The following SETD1B variants were observed in gnomAD, a reference collection of about 807,000 sequenced individuals.
SETD1B encodes SET domain containing 1B, histone lysine methyltransferase, also known as histone-lysine N-methyltransferase SETD1B.
In SETD1B, 7 loss-of-function variants were observed where a neutral mutation model predicts 148.0. The observed-to-expected ratio is 0.05, with a 90% CI of 0.03 to 0.09. The LOEUF (loss-of-function observed/expected upper bound fraction) is 0.09, where lower values mean the gene tolerates loss of function less well. Ranked by LOEUF, SETD1B falls within the 10% of genes least tolerant of loss-of-function variation. The pLI, the probability that SETD1B is intolerant of heterozygous loss-of-function variation, is 1.00. For synonymous variants in SETD1B, 1,361 were observed against 1,186.5 expected (o/e 1.15, Z -3.02); for missense variants, 2,155 against 2,729.9 (o/e 0.79, Z 4.69).
the SETD1B span, among the ~76,000 whole-genome samples, chr12:121,790,467 G>C: frequency 2.0e-5 from 3 of 152,312 alleles, no homozygotes; most frequent in East Asian, 5.8e-4. Context: ...CCACCTGCAG[G>C]CCGAGATGAA....
At chr12:121,813,742 C>T (rs369240169) in intron 6 of SETD1B, among the ~76,000 whole-genome samples, 2 of 152,162 alleles carry the variant, frequency 1.3e-5, no homozygotes, top group South Asian at 2.1e-4. Context: ...CTCTCCCTCA[C>T]GTTTCCCGTA....
Position 121,823,256 on chromosome 12 carries a change from C to G in SETD1B, c.4677C>G (p.Pro1559=). ...TCCTGCCGGGCCAGCCACAGACCCCCGTCTTCCCCAGCACCCATGACCCCC... is the reference window on the plus strand; with the variant it reads ...TCCTGCCGGGCCAGCCACAGACCCCGGTCTTCCCCAGCACCCATGACCCCC... The part of the protein sequence containing the change: ...LLLLPGQPQT[P]VFPSTHDPRT... Residue 1559 remains proline (P), a synonymous_variant, in exon 12 of 17, where the codon CCC becomes CCG. Coordinates refer to ENST00000604567, the MANE Select transcript of SETD1B (RefSeq NM_001353345.2). The G allele has an allele frequency of 6.5e-7, 1 of 1,549,984 alleles. No individual in the cohort carries two copies. Among genetic ancestry groups the G allele is most frequent in the Non-Finnish European group, 8.7e-7 (1 of 1,146,900 alleles).
intron 13 of SETD1B, among the ~76,000 whole-genome samples, chr12:121,826,964 G>A (rs183276731): frequency 3.7e-4 from 57 of 152,148 alleles, no homozygotes; most frequent in Middle Eastern, 6.8e-3. Flanking sequence ...AGGCAGAGAG[G>A]TCTTGGTGGG....
At chr12:121,825,956 T>C (rs1011118957) in intron 13 of SETD1B, among the ~76,000 whole-genome samples, 1 of 152,160 alleles carries the variant, frequency 6.6e-6, no homozygotes, top group South Asian at 2.1e-4. Flanking sequence ...TCATTCATTC[T>C]TTTTTTAATC....
In SETD1B at chr12:121,827,501, G is replaced by C. The variant is rs1030879701; in HGVS notation, c.5338-18G>C. 2 of 1,522,672 alleles carry C rather than the reference G, an allele frequency of 1.3e-6. No homozygotes were observed. Among genetic ancestry groups the C allele is most frequent in the Non-Finnish European group, 1.8e-6 (2 of 1,134,102 alleles). The allele number at this position is 1,522,672 out of a possible 1,614,324, so 94.3% of individuals were successfully genotyped here. ...GACACGGCCAGCTCCGCTGAGCCCC[G>C]CACACCGTCCACTGCAGGGCATGAG... On this transcript the variant is annotated intron_variant, in intron 13 of 16. Coordinates refer to ENST00000604567, the MANE Select transcript of SETD1B (RefSeq NM_001353345.2).
At chr12:121,814,074 C>A in intron 6 of SETD1B, 32 bp from the exon 7 acceptor site, 1 of 1,523,852 alleles carries the variant, frequency 6.6e-7, no homozygotes, top group Non-Finnish European at 8.9e-7. Context: ...CTTCCAGACT[C>A]ACCTCACTGT....
chr12:121,799,736 T>TGG (rs1459030938), upstream of SETD1B: 3 of 30,960 alleles, frequency 9.7e-5, no homozygotes, highest in East Asian at 1.6e-3. Flanking sequence ...GGGGGTGGGG[T>TGG]GGGGCGGGGC....
rs377276584 is a variant in SETD1B, at chr12:121,819,623, G to A, written c.3638G>A (p.Gly1213Glu). The A allele has an allele frequency of 1.3e-4, 199 of 1,551,882 alleles. 2 individuals carry two copies. The African/African-American group carries it at 2.4e-3, about 19-fold the overall frequency. ...GGCCCTGAGGACTTTGAGCAGGACG[G>A]GGAGGAAGCGGCTCTGGCCCCGGGG... ...SAGPEDFEQD[G>E]EEAALAPGAP... Residue 1213 changes from glycine to glutamate, a missense_variant, in exon 11 of 17, where the codon GGG becomes GAG. By Grantham distance (98) the Gly-to-Glu change is moderately conservative. Coordinates refer to ENST00000604567, the MANE Select transcript of SETD1B (RefSeq NM_001353345.2).
chr12:121,814,890 C>T lies in SETD1B; in HGVS notation c.2675C>T (p.Ala892Val). Residue 892 changes from alanine (A) to valine (V), a missense_variant, in exon 7 of 17, where the codon GCC becomes GTC. Ala to Val is a moderately conservative substitution (Grantham distance 64, BLOSUM62 0). Around this residue, in one of 11 missense-constraint regions of SETD1B, gnomAD observed 289 missense variants for 423.7 expected, o/e 0.68. Transcript: ENST00000604567. ...RKMVEVVAFR[A>V]FDEWWDKKER... ...ATGGTGGAAGTGGTGGCTTTCCGGGCCTTTGACGAGTGGTGGGACAAGAAG... is the reference window on the plus strand; with the variant it reads ...ATGGTGGAAGTGGTGGCTTTCCGGGTCTTTGACGAGTGGTGGGACAAGAAG... The T allele has an allele frequency of 6.4e-7, 1 of 1,551,136 alleles. No homozygotes were observed. Among genetic ancestry groups the T allele is most frequent in the Non-Finnish European group, 8.7e-7 (1 of 1,146,618 alleles).
chr12:121,797,646 G>T, the SETD1B span: 1 of 455,976 alleles, frequency 2.2e-6, no homozygotes, highest in African/African-American at 2.0e-5. Flanking sequence ...GTGCAGCTGG[G>T]AGGGAGACGT....
chr12:121,797,649 G>A, the SETD1B span: 9 of 455,780 alleles, frequency 2.0e-5, 1 homozygote, highest in South Asian at 1.2e-4. Context: ...CAGCTGGGAG[G>A]GAGACGTACA....
At chr12:121,806,252 A>G (rs2137544790) in intron 4 of SETD1B, 147 bp downstream of exon 4, 1 of 874,112 alleles carries the variant, frequency 1.1e-6, no homozygotes, top group Non-Finnish European at 1.7e-6. Context: ...TCCTGAGGGT[A>G]GAGTCGCGTG....
In SETD1B at chr12:121,817,693, A is replaced by C. The variant is rs1190405494; in HGVS notation, c.3301A>C (p.Thr1101Pro). ...GCTCTCCTCCTCCTCAACCTCATCC[A>C]CATCAGATAAGGTGCCTAGCAGGCC... ...SQLSSSSTSS[T>P]SDKDDDDDDS... Residue 1101 changes from threonine to proline, a missense_variant, in exon 9 of 17, where the codon ACA (threonine) becomes CCA (proline). Thr to Pro is a conservative substitution (Grantham distance 38). This residue lies in a region of SETD1B where 862 missense variants were observed against 873.8 expected (regional missense o/e 0.99). Transcript: ENST00000604567. This position sits in a 1 kb window ranked among gnomAD's most constrained non-coding sequence, Gnocchi z 8.1. The C allele has an allele frequency of 6.5e-7, 1 of 1,547,060 alleles. No individual in the cohort carries two copies. Among genetic ancestry groups the C allele is most frequent in the East Asian group, 2.5e-5 (1 of 40,780 alleles).
At chr12:121,806,146 C>T in intron 4 of SETD1B, 41 bp downstream of exon 4, 2 of 1,535,348 alleles carry the variant, frequency 1.3e-6, no homozygotes, top group East Asian at 2.5e-5. Flanking sequence ...ACCTGTCAGC[C>T]CGACCCTTTC....
chr12:121,809,924 C>A lies in SETD1B; in HGVS notation c.979C>A (p.His327Asn). 6.4e-7 allele frequency: 1 copy of A among 1,551,264 alleles called. No homozygotes were observed. Among genetic ancestry groups the A allele is most frequent in the Non-Finnish European group, 8.7e-7 (1 of 1,146,980 alleles). Residue 327 changes from histidine (H) to asparagine (N), a missense_variant, in exon 6 of 17, where the codon CAT becomes AAT. Physicochemically the swap from His to Asn is moderately conservative, Grantham distance 68. This residue lies in a region of SETD1B where 376 missense variants were observed against 385.0 expected (regional missense o/e 0.98). Coordinates refer to ENST00000604567, the MANE Select transcript of SETD1B (RefSeq NM_001353345.2). Reference protein sequence around the residue: ...FTDAYNRRHEHHYVHNSPAVT... With the variant: ...FTDAYNRRHENHYVHNSPAVT... ...GGACGCCTACAACCGCCGCCACGAA[C>A]ATCATTATGTACACAATTCTCCCGC...
At position 121,814,096 on chromosome 12, in the gene SETD1B, C is replaced by G. The variant is rs1041308564; in HGVS notation, c.1891-10C>G. 46 of 1,544,738 alleles carry G rather than the reference C, an allele frequency of 3.0e-5. No individual in the cohort carries two copies. Among genetic ancestry groups the G allele is most frequent in the Non-Finnish European group, 3.8e-5 (44 of 1,144,138 alleles). On this transcript the variant is annotated splice_polypyrimidine_tract_variant and intron_variant, in intron 6 of 16. Transcript: ENST00000604567. ...ACTCACCTCACTGTCTCTCCCTGCTCTCTCTGCAGGGCCAGCAGTCCTCAG... is the reference window on the plus strand; with the variant it reads ...ACTCACCTCACTGTCTCTCCCTGCTGTCTCTGCAGGGCCAGCAGTCCTCAG...
At chr12:121,797,541 C>G in the SETD1B span, 2 of 456,584 alleles carry the variant, frequency 4.4e-6, no homozygotes, top group Non-Finnish European at 8.8e-6. Context: ...TGGGTCCCGA[C>G]ACCGTGCCGA....
chr12:121,794,885 C>A, the SETD1B span, among the ~76,000 whole-genome samples: 1 of 152,204 alleles, frequency 6.6e-6, no homozygotes, highest in Non-Finnish European at 1.5e-5. Context: ...AAACCCCCAA[C>A]AGCAGCATGG....
Position 121,822,687 on chromosome 12 carries a change from C to A in SETD1B, c.4108C>A (p.Leu1370Met). ...PPHTPGLCGS[L>M]AKSQSTETVP... ...GCATACTCCAGGCCTCTGTGGCAGCCTGGCCAAGTCGCAGAGCACAGAGAC... is the reference window on the plus strand; with the variant it reads ...GCATACTCCAGGCCTCTGTGGCAGCATGGCCAAGTCGCAGAGCACAGAGAC... Residue 1370 changes from leucine (L) to methionine (M), a missense_variant, in exon 12 of 17, where the codon CTG (leucine) becomes ATG (methionine). Leu to Met is a conservative substitution (Grantham distance 15). This residue lies in a region of SETD1B where 862 missense variants were observed against 873.8 expected (regional missense o/e 0.99). Transcript: ENST00000604567. 1 of 1,540,384 alleles carries A rather than the reference C, an allele frequency of 6.5e-7. No individual in the cohort carries two copies. Among genetic ancestry groups the A allele is most frequent in the South Asian group, 1.2e-5 (1 of 83,538 alleles).
Sources: allele counts gnomAD v4.1 joint callset (sites outside exome capture counted in the v4.1 genomes callset), GRCh38; gene constraint gnomAD v4.1.1; regional missense constraint gnomAD v4.1.1; non-coding constraint Gnocchi (gnomAD v3.1); transcripts MANE v1.5; gene names NCBI Gene and HGNC (gene_info 2026-07-23, HGNC 2026-07-21).